The following CSMD3 variants were observed in gnomAD, a reference collection of about 807,000 sequenced individuals.
CSMD3 encodes CUB and sushi domain-containing protein 3.
Under a neutral mutation model 435.2 loss-of-function variants are expected in CSMD3, and 177 were observed. That is an observed-to-expected ratio of 0.41 (90% CI 0.36 to 0.46). The LOEUF (loss-of-function observed/expected upper bound fraction) is 0.46. Ranked by LOEUF, CSMD3 falls within the 20% of genes least tolerant of loss-of-function variation. CSMD3 has a pLI of 0.34. For missense variants in CSMD3, 4,265 were observed against 4,504.6 expected (o/e 0.95, Z 1.52); for synonymous variants, 1,656 against 1,520.5 (o/e 1.09, Z -2.07).
intron 2 of CSMD3, among the ~76,000 whole-genome samples, chr8:113,305,691 G>T (rs533491351): frequency 6.6e-6 from 1 of 152,186 alleles, no homozygotes; most frequent in Non-Finnish European, 1.5e-5. Flanking sequence ...AGTCAGATTT[G>T]AAAGAGCCTT....
At chr8:112,263,227 C>G (rs2130373661) in intron 61 of CSMD3, among the ~76,000 whole-genome samples, 1 of 151,248 alleles carries the variant, frequency 6.6e-6, no homozygotes, top group South Asian at 2.1e-4. Flanking sequence ...AAATCCCAAT[C>G]ATTATCATGA....
intron 3 of CSMD3, among the ~76,000 whole-genome samples, chr8:113,195,066 C>T (rs1012296478): frequency 1.3e-5 from 2 of 151,220 alleles, no homozygotes; most frequent in Non-Finnish European, 3.0e-5. Context: ...ACTTCACTGA[C>T]ATCAAGAGAT....
intron 10 of CSMD3, among the ~76,000 whole-genome samples, chr8:112,893,803 T>C (rs1469133139): frequency 6.6e-6 from 1 of 151,510 alleles, no homozygotes; most frequent in Non-Finnish European, 1.5e-5. Flanking sequence ...ATTATTGCTT[T>C]CTGTTCCTGT....
At chr8:113,184,148 C>T (rs1326073916) in intron 3 of CSMD3, among the ~76,000 whole-genome samples, 2 of 151,908 alleles carry the variant, frequency 1.3e-5, no homozygotes, top group African/African-American at 4.8e-5. Flanking sequence ...AGATATTACA[C>T]AGGATACAGA....
chr8:112,446,290 A>G (rs748519231), intron 32 of CSMD3, among the ~76,000 whole-genome samples: 214 of 152,320 alleles, frequency 1.4e-3, no homozygotes, highest in Admixed American at 3.5e-3. Flanking sequence ...TTTCCAAAGC[A>G]TCAAAAATAT....
intron 32 of CSMD3, among the ~76,000 whole-genome samples, chr8:112,459,651 C>T (rs1174486091): frequency 1.3e-5 from 2 of 152,082 alleles, no homozygotes; most frequent in East Asian, 3.9e-4. Flanking sequence ...TTAAGCATTT[C>T]TGTTTCATTG....
chr8:112,533,762 C>T (rs915817998), intron 27 of CSMD3, among the ~76,000 whole-genome samples: 1 of 151,978 alleles, frequency 6.6e-6, no homozygotes, highest in Non-Finnish European at 1.5e-5. Context: ...ACACTGCACA[C>T]CAAATGGACC....
At chr8:112,648,767 C>T (rs889136036) in intron 19 of CSMD3, among the ~76,000 whole-genome samples, 2 of 152,086 alleles carry the variant, frequency 1.3e-5, no homozygotes, top group South Asian at 2.1e-4. Context: ...ACCTTTCTTT[C>T]GTGGTGAATG....
chr8:112,555,792 A>G lies in CSMD3; in HGVS notation c.4234+971T>C, dbSNP rs534298888. ...TATGCTGACCACATCAAAAAACGAC[A>G]GAAATATTCTACTTTTGTCAAAAGG... On this transcript the variant is annotated intron_variant, in intron 25 of 70. Coordinates refer to ENST00000297405, the MANE Select transcript of CSMD3 (RefSeq NM_198123.2). Among the ~76,000 whole-genome samples, 9 of 152,162 alleles carry G rather than the reference A, an allele frequency of 5.9e-5. No individual in the cohort carries two copies. In the East Asian group the frequency reaches 1.7e-3, roughly 29 times the overall value.
chr8:112,531,714 T>C (rs535022259), intron 27 of CSMD3, among the ~76,000 whole-genome samples: 3 of 152,258 alleles, frequency 2.0e-5, no homozygotes, highest in Non-Finnish European at 4.4e-5. Flanking sequence ...TAATAAATCC[T>C]ATTTGAATTT....
chr8:112,348,602 G>A (rs1825874270), intron 40 of CSMD3, among the ~76,000 whole-genome samples: 1 of 151,950 alleles, frequency 6.6e-6, no homozygotes, highest in African/African-American at 2.4e-5. Context: ...AGAGTAAAAA[G>A]GAATTTAAAA....
chr8:112,406,724 ACAGCT>A lies in CSMD3; in HGVS notation c.5606-2_5608del. 6.4e-7 allele frequency: 1 copy of A among 1,566,304 alleles called. No individual in the cohort carries two copies. Among genetic ancestry groups the A allele is most frequent in the Non-Finnish European group, 8.8e-7 (1 of 1,142,068 alleles). On this transcript the variant is annotated splice_acceptor_variant and coding_sequence_variant, in exon 35 of 71. Transcript: ENST00000297405. LOFTEE classifies it high-confidence loss of function. ...GCATTGTGTAGAACTTGTTCTAGGA[ACAGCT>A]GTGTAGAAATATTATATTTATTTTA...
At position 113,115,820 on chromosome 8, in the gene CSMD3, C is replaced by T. The variant is rs2090807560; in HGVS notation, c.710-16857G>A. On this transcript the variant is annotated intron_variant, in intron 4 of 70. Transcript: ENST00000297405. The stretch of plus-strand genomic sequence containing the variant: ...CCCATCAAAATTAATATGTTTAAAT[C>T]TTATCTTCTGAGGCAATTGCTTAGG... Among the ~76,000 whole-genome samples the T allele has an allele frequency of 3.3e-5, 5 of 152,250 alleles. No individual in the cohort carries two copies. In the South Asian group the frequency reaches 8.3e-4, roughly 25 times the overall value.
intron 27 of CSMD3, among the ~76,000 whole-genome samples, chr8:112,531,189 CAGCATGCGGCAGATCCCCAA>C (rs1825494432): frequency 6.6e-6 from 1 of 152,132 alleles, no homozygotes; most frequent in South Asian, 2.1e-4. Context: ...CAGCACAACA[CAGCATGCGGCAGATCCCCAA>C]AGCCCCTGAT....
At chr8:113,004,798 T>A (rs1208456296) in intron 6 of CSMD3, among the ~76,000 whole-genome samples, 2 of 151,842 alleles carry the variant, frequency 1.3e-5, no homozygotes, top group African/African-American at 2.4e-5. Flanking sequence ...ATAAATAAAT[T>A]ATTTATTTAT....
At chr8:112,355,205 T>C (rs1015669392) in intron 38 of CSMD3, among the ~76,000 whole-genome samples, 22 of 152,210 alleles carry the variant, frequency 1.4e-4, no homozygotes, top group Admixed American at 9.2e-4. Context: ...TAACTCTTGA[T>C]GGATTAGATA....
intron 12 of CSMD3, among the ~76,000 whole-genome samples, chr8:112,815,659 C>T (rs1275981088): frequency 6.6e-6 from 1 of 152,060 alleles, no homozygotes. Context: ...CTAAAAATTA[C>T]TTTAGTTCAT....
intron 32 of CSMD3, among the ~76,000 whole-genome samples, chr8:112,410,636 A>ATATGTATATATATGTGTATATATATG (rs1391045115): frequency 1.0e-5 from 1 of 99,964 alleles, no homozygotes; most frequent in African/African-American, 3.4e-5. Flanking sequence ...GTGTATATAT[A>ATATGTATATATATGTGTATATATATG]TGTATATATA....
At chr8:113,418,911 C>A (rs924168187) in intron 1 of CSMD3, among the ~76,000 whole-genome samples, 1 of 152,106 alleles carries the variant, frequency 6.6e-6, no homozygotes, top group African/African-American at 2.4e-5. Context: ...CAACAGGGGA[C>A]AAACTTAACT....
Sources: gnomAD v4.1 joint callset for allele counts (sites outside exome capture counted in the v4.1 genomes callset) on GRCh38, gnomAD v4.1.1 for gene constraint, MANE v1.5 for transcripts, NCBI Gene and HGNC (gene_info 2026-07-23, HGNC 2026-07-21) for gene names.